UPF3A: variants seen among roughly 807,000 people sequenced by gnomAD.
The protein encoded by UPF3A is regulator of nonsense transcripts 3A.
In UPF3A, 42 loss-of-function variants were observed where a neutral mutation model predicts 53.5. The ratio of observed to expected loss-of-function variants is 0.78; its 90% CI spans 0.61 to 1.01. UPF3A has a LOEUF of 1.01. Ranked by LOEUF, UPF3A falls within the 50% of genes least tolerant of loss-of-function variation. UPF3A has a pLI of 0.00. For missense variants in UPF3A, 575 were observed against 598.0 expected (o/e 0.96, Z 0.40); for synonymous variants, 237 against 225.3 (o/e 1.05, Z -0.47).
chr13:114,302,063 G>A (rs1157719538), intron 9 of UPF3A, 38 bp downstream of exon 9: 10 of 1,490,988 alleles, frequency 6.7e-6, no homozygotes, highest in Middle Eastern at 1.8e-4. Context: ...GTGTCTGGCT[G>A]TCTTAAGGTC....
rs1055789584 is a variant in UPF3A, at chr13:114,282,704, C to A, written c.315-133C>A. 95 of 1,486,582 alleles carry A rather than the reference C, an allele frequency of 6.4e-5. No homozygotes were observed. The Admixed American group carries it at 7.8e-4, about 12-fold the overall frequency. 92.1% of individuals were successfully genotyped at this position (1,486,582 alleles called of 1,614,324 possible). On this transcript the variant is annotated intron_variant, in intron 2 of 9. Coordinates refer to ENST00000375299, the MANE Select transcript of UPF3A (RefSeq NM_023011.4). ...TTGCTAAAGAATATCCAAGTTGTTA[C>A]AATTAACTGAGATGATTTGGCACAA... is the stretch of plus-strand genomic sequence containing the variant.
intron 7 of UPF3A, among the ~76,000 whole-genome samples, chr13:114,297,949 A>G (rs1273397328): frequency 1.3e-5 from 2 of 152,232 alleles, no homozygotes; most frequent in African/African-American, 4.8e-5. Flanking sequence ...CGGAGGTTGC[A>G]GTGAGCCGAG....
chr13:114,282,167 C>CT, intron 2 of UPF3A, 40 bp downstream of exon 2: 1 of 1,493,956 alleles, frequency 6.7e-7, no homozygotes. Context: ...GGGCGGAACC[C>CT]AGAGCTCGGC....
In UPF3A at chr13:114,281,819, C is replaced by T; in HGVS notation, c.180C>T (p.Arg60=). The change falls in exon 1 of 10, where the codon CGC becomes CGT. Residue 60 remains arginine (R), a synonymous_variant. Coordinates refer to ENST00000375299, the MANE Select transcript of UPF3A (RefSeq NM_023011.4). ...GCGGGGGCGGTGCGGGCAAACCTCG[C>T]GAGGAGAAGAGGACGGCCCTGAGCA... ...SGCGGGAGKP[R]EEKRTALSKV... 1.3e-6 allele frequency: 2 copies of T among 1,542,850 alleles called. No homozygotes were observed. Among genetic ancestry groups the T allele is most frequent in the Non-Finnish European group, 8.7e-7 (1 of 1,143,380 alleles).
chr13:114,301,625 CA>C (rs1330383282), intron 8 of UPF3A, 105 bp from the exon 9 acceptor site: 2 of 1,117,950 alleles, frequency 1.8e-6, no homozygotes, highest in African/African-American at 3.1e-5. Context: ...CAGCGCTGAG[CA>C]CTTCGCATGG....
intron 2 of UPF3A, chr13:114,282,580 C>T (rs2084215121): frequency 2.0e-6 from 2 of 985,376 alleles, no homozygotes; most frequent in Non-Finnish European, 2.4e-6. Flanking sequence ...GGAGTGCGCC[C>T]TGGCCTTGCC....
At position 114,303,082 on chromosome 13, in the gene UPF3A, A is replaced by T. The variant is rs567007152; in HGVS notation, c.1302+1057A>T. Among the ~76,000 whole-genome samples the T allele has an allele frequency of 3.8e-4, 58 of 152,320 alleles. 2 individuals carry two copies. The East Asian group carries it at 0.011, about 29-fold the overall frequency. ...GCCATTGCACTCCAGCCTAGGCAAGAAAAGCAAAATTACCTCTAAAAAAAA... is the reference window on the plus strand; with the variant it reads ...GCCATTGCACTCCAGCCTAGGCAAGTAAAGCAAAATTACCTCTAAAAAAAA... On this transcript the variant is annotated intron_variant, in intron 9 of 9. Transcript: ENST00000375299.
At position 114,291,716 on chromosome 13, in the gene UPF3A, G is replaced by A. The variant is rs923716045; in HGVS notation, c.770G>A (p.Arg257Lys). ...TTGCGGGAAGAGGAAAAAAGAAGAA[G>A]AAGAGAAGAAGAAAGATGCAAAAAA... ...KRLREEEKRR[R>K]REEERCKKKE... is the part of the protein sequence containing the mutation. Residue 257 changes from arginine (R) to lysine (K), a missense_variant, in exon 7 of 10, where the codon AGA becomes AAA. Physicochemically the swap from Arg to Lys is conservative, Grantham distance 26 (BLOSUM62 2). Around this residue, in one of 2 missense-constraint regions of UPF3A, gnomAD observed 323 missense variants for 415.2 expected, o/e 0.78. Transcript: ENST00000375299. 1 of 1,598,418 alleles carries A rather than the reference G, an allele frequency of 6.3e-7. No individual in the cohort carries two copies. The highest frequency in any genetic ancestry group is 1.7e-5 in the Admixed American group (1 of 59,054).
chr13:114,281,967 T>A, intron 1 of UPF3A, 54 bp from the exon 2 acceptor site: 1 of 1,498,620 alleles, frequency 6.7e-7, no homozygotes, highest in South Asian at 1.2e-5. Context: ...CGGTGCCTTT[T>A]GAGCTCCTTG....
At chr13:114,291,845 T>G (rs200257744) in intron 7 of UPF3A, 53 bp downstream of exon 7, 260 of 1,509,710 alleles carry the variant, frequency 1.7e-4, no homozygotes, top group Non-Finnish European at 2.3e-4. Context: ...CTATAGTAAT[T>G]ACACTTTTTA....
intron 7 of UPF3A, among the ~76,000 whole-genome samples, chr13:114,296,724 T>C (rs1490108245): frequency 6.6e-6 from 1 of 152,208 alleles, no homozygotes; most frequent in African/African-American, 2.4e-5. Context: ...ACTGAGCCCT[T>C]GACCCGTGGG....
chr13:114,299,572 T>G (rs1012570925), intron 8 of UPF3A, among the ~76,000 whole-genome samples: 12 of 152,224 alleles, frequency 7.9e-5, no homozygotes, highest in Non-Finnish European at 1.3e-4. Flanking sequence ...GTCCTCCCTT[T>G]TTCTTTTCCT....
intron 5 of UPF3A, among the ~76,000 whole-genome samples, chr13:114,289,853 C>G (rs1021811918): frequency 3.3e-5 from 5 of 152,118 alleles, no homozygotes; most frequent in African/African-American, 4.8e-5. Flanking sequence ...GTCTAACGTA[C>G]TTTGCCCGTG....
At position 114,301,394 on chromosome 13, in the gene UPF3A, C is replaced by T. The variant is rs188923904; in HGVS notation, c.1008-337C>T. Among the ~76,000 whole-genome samples, 698 of 150,578 alleles carry T rather than the reference C, an allele frequency of 4.6e-3. 3 individuals carry two copies. Among genetic ancestry groups the T allele is most frequent in the Non-Finnish European group, 7.5e-3 (507 of 67,850 alleles). ...AGGAGGATGGTGTGAACCCAGGAGG[C>T]GGAGCTTTCAGTGAGCTGAGATCCC... is the stretch of plus-strand genomic sequence containing the variant. On this transcript the variant is annotated intron_variant, in intron 8 of 9. Transcript: ENST00000375299.
chr13:114,298,472 G>A (rs563914521), intron 7 of UPF3A, among the ~76,000 whole-genome samples: 1 of 152,152 alleles, frequency 6.6e-6, no homozygotes, highest in Non-Finnish European at 1.5e-5. Flanking sequence ...CCTTGGAGGC[G>A]GAGGCTGCAG....
chr13:114,286,605 G>T lies in UPF3A; in HGVS notation c.607G>T (p.Glu203Ter). 6.2e-7 allele frequency: 1 copy of T among 1,613,424 alleles called. No individual in the cohort carries two copies. ...ANPETLLGEMEAKTRELIARR... is the reference protein window; with the variant it reads ...ANPETLLGEM ...CCCTGAGACTCTGCTGGGGGAGATG[G>T]AGGCGAAGACAAGAGAGCTCATTGG... Residue 203 changes from glutamate to a stop codon, truncating the protein, a stop_gained, in exon 5 of 10, where the codon GAG (glutamate) becomes TAG (stop). Transcript: ENST00000375299. LOFTEE classifies it high-confidence loss of function.
rs765056766 is a variant in UPF3A at position 114,304,830 on chromosome 13, C to T, written c.1344C>T (p.Phe448=). 2 of 1,613,864 alleles carry T rather than the reference C, an allele frequency of 1.2e-6. No individual in the cohort carries two copies. The highest frequency in any genetic ancestry group is 1.7e-6 in the Non-Finnish European group (2 of 1,179,826). ...AGCTGTATGATCCAGGAGCTCGCTT[C>T]CGAGCGCGAGAGTGTGGCGGAAACA... ...ALQLYDPGAR[F]RARECGGNRR... The change falls in exon 10 of 10, where the codon TTC becomes TTT. Residue 448 remains phenylalanine, a synonymous_variant. Coordinates refer to ENST00000375299, the MANE Select transcript of UPF3A (RefSeq NM_023011.4).
rs1400114416 is a variant in UPF3A at position 114,301,860 on chromosome 13, CAGA to C, written c.1140_1142del (p.Arg381del). On this transcript the variant is annotated inframe_deletion, in exon 9 of 10. Transcript: ENST00000375299. ...CTCACCACGAGCCTGAACGGCTTTC[CAGA>C]AGGAGTGAGGATGAGCAGAGATGGG... 1 of 1,612,740 alleles carries C rather than the reference CAGA, an allele frequency of 6.2e-7. No homozygotes were observed. Among genetic ancestry groups the C allele is most frequent in the Non-Finnish European group, 8.5e-7 (1 of 1,179,590 alleles).
chr13:114,295,456 C>CA (rs2085863926), intron 7 of UPF3A, among the ~76,000 whole-genome samples: 1 of 122,266 alleles, frequency 8.2e-6, no homozygotes. Context: ...CTCATGAATG[C>CA]ACCAGCGGAT....
Sources: allele counts gnomAD v4.1 joint callset (sites outside exome capture counted in the v4.1 genomes callset), GRCh38; gene constraint gnomAD v4.1.1; regional missense constraint gnomAD v4.1.1; transcripts MANE v1.5; gene names NCBI Gene and HGNC (gene_info 2026-07-23, HGNC 2026-07-21).